The following STXBP5L variants were observed in gnomAD, a reference collection of about 807,000 sequenced individuals.
STXBP5L encodes syntaxin-binding protein 5-like.
A neutral mutation model predicts 144.5 loss-of-function variants in STXBP5L; 65 were observed. The ratio of observed to expected loss-of-function variants is 0.45; its 90% CI spans 0.37 to 0.55. The LOEUF (loss-of-function observed/expected upper bound fraction) is 0.55, where lower values mean the gene tolerates loss of function less well. Ranked by LOEUF, STXBP5L falls within the 20% of genes least tolerant of loss-of-function variation. The pLI is 0.00. For missense variants in STXBP5L, 1,298 were observed against 1,405.5 expected, an observed-to-expected ratio of 0.92 and a Z score of 1.22; for synonymous variants, 505 against 469.6, an observed-to-expected ratio of 1.08 and a Z score of -0.97.
At chr3:120,978,105 G>C (rs1172630326) in intron 3 of STXBP5L, among the ~76,000 whole-genome samples, 2 of 152,106 alleles carry the variant, frequency 1.3e-5, no homozygotes, top group Non-Finnish European at 2.9e-5. Context: ...TTGCTAGATT[G>C]GGGAAATTCT....
intron 10 of STXBP5L, among the ~76,000 whole-genome samples, chr3:121,219,886 T>C (rs1284512939): frequency 6.6e-6 from 1 of 152,150 alleles, no homozygotes; most frequent in Non-Finnish European, 1.5e-5. Flanking sequence ...TATGTTAGCA[T>C]TTAATATTTA....
intron 2 of STXBP5L, among the ~76,000 whole-genome samples, chr3:120,925,862 A>G (rs546488106): frequency 1.3e-5 from 2 of 152,344 alleles, no homozygotes; most frequent in Non-Finnish European, 2.9e-5. Context: ...TCTTATAGAT[A>G]TAACAAGTTT....
At chr3:121,262,926 TG>T (rs1416998447) in intron 18 of STXBP5L, among the ~76,000 whole-genome samples, 1 of 152,236 alleles carries the variant, frequency 6.6e-6, no homozygotes, top group Non-Finnish European at 1.5e-5. Context: ...CTGCTGGCTC[TG>T]AAGAGAGAAG....
chr3:121,039,058 T>A (rs1225722349), intron 3 of STXBP5L, among the ~76,000 whole-genome samples: 1 of 151,984 alleles, frequency 6.6e-6, no homozygotes, highest in Non-Finnish European at 1.5e-5. Flanking sequence ...TTTCTCACAA[T>A]CACTGCATTT....
chr3:121,222,414 G>A (rs1364149312), intron 10 of STXBP5L, among the ~76,000 whole-genome samples: 1 of 152,030 alleles, frequency 6.6e-6, no homozygotes, highest in Non-Finnish European at 1.5e-5. Context: ...AAGTAAAATA[G>A]AAAAGGCAAT....
At chr3:121,328,165 A>T (rs1298495431) in intron 20 of STXBP5L, among the ~76,000 whole-genome samples, 1 of 152,164 alleles carries the variant, frequency 6.6e-6, no homozygotes, top group Non-Finnish European at 1.5e-5. Flanking sequence ...TGCCCAGATA[A>T]ATTATTTCTG....
rs1321698674 is a variant in STXBP5L at position 121,421,566 on chromosome 3, G to A, written c.*2469G>A. 1 of 152,170 alleles carries A rather than the reference G, an allele frequency of 6.6e-6. No homozygotes were observed. The highest frequency in any genetic ancestry group is 1.5e-5 in the Non-Finnish European group (1 of 68,034). The allele number at this position is 152,170 out of a possible 1,614,324, so 9.4% of individuals were successfully genotyped here. The stretch of plus-strand genomic sequence containing the variant: ...TAGATTGTGTGAATATGTAATATAT[G>A]TTGTTGTATAAAACTGTACAATAAG... On this transcript the variant is annotated 3_prime_UTR_variant, in exon 27 of 27. Coordinates refer to ENST00000471454, the MANE Select transcript of STXBP5L (RefSeq NM_001308330.2).
At chr3:120,982,159 G>A (rs1941840293) in intron 3 of STXBP5L, among the ~76,000 whole-genome samples, 1 of 152,330 alleles carries the variant, frequency 6.6e-6, no homozygotes, top group South Asian at 2.1e-4. Context: ...TAGCATCTAT[G>A]TGTAAGAGTG....
chr3:121,239,026 T>C lies in STXBP5L; in HGVS notation c.1240T>C (p.Cys414Arg). The C allele has an allele frequency of 6.2e-7, 1 of 1,610,382 alleles. No homozygotes were observed. The highest frequency in any genetic ancestry group is 1.1e-5 in the South Asian group (1 of 90,536). The change falls in exon 13 of 27, where the codon TGC becomes CGC. Residue 414 changes from cysteine (C) to arginine (R), a missense_variant. Coordinates refer to ENST00000471454, the MANE Select transcript of STXBP5L (RefSeq NM_001308330.2). ...GGACATTCATGAATCACCAGTTACA[T>C]GCACAGCATACTTTGCAGATTGTCC... Reference protein sequence around the residue: ...PMDIHESPVTCTAYFADCPPD... With the variant: ...PMDIHESPVTRTAYFADCPPD...
Position 121,215,374 on chromosome 3 carries a change from A to C in STXBP5L, c.957-7629A>C, listed in dbSNP as rs113792914. 2.6e-3 allele frequency among the ~76,000 whole-genome samples: 396 copies of C among 152,260 alleles called. 2 individuals carry two copies. Among genetic ancestry groups the C allele is most frequent in the African/African-American group, 8.9e-3 (370 of 41,544 alleles). ...TGTTTCCAAATTTAGTACTTTCATC[A>C]GGAGCTCTTGTAAGGCAGGCCTTGT... On this transcript the variant is annotated intron_variant, in intron 10 of 26. Coordinates refer to ENST00000471454, the MANE Select transcript of STXBP5L (RefSeq NM_001308330.2).
At chr3:120,919,600 C>T (rs1054699326) in intron 2 of STXBP5L, among the ~76,000 whole-genome samples, 1 of 152,048 alleles carries the variant, frequency 6.6e-6, no homozygotes, top group East Asian at 1.9e-4. Flanking sequence ...ACCAAAACTC[C>T]TTTGCTGTTT....
intron 14 of STXBP5L, among the ~76,000 whole-genome samples, chr3:121,248,256 G>C (rs573533050): frequency 6.6e-6 from 1 of 152,074 alleles, no homozygotes; most frequent in Non-Finnish European, 1.5e-5. Context: ...TAGAGACAGG[G>C]TTTCACCATT....
At chr3:121,202,161 T>A (rs1231610193) in intron 9 of STXBP5L, among the ~76,000 whole-genome samples, 7 of 152,154 alleles carry the variant, frequency 4.6e-5, no homozygotes, top group Non-Finnish European at 8.8e-5. Context: ...AAATCTTATA[T>A]AATTGTATGT....
intron 3 of STXBP5L, among the ~76,000 whole-genome samples, chr3:120,959,209 T>C (rs1938437659): frequency 6.6e-6 from 1 of 152,144 alleles, no homozygotes; most frequent in Admixed American, 6.5e-5. Flanking sequence ...GTGAAGGACC[T>C]CTTCAAGGAG....
intron 19 of STXBP5L, among the ~76,000 whole-genome samples, chr3:121,292,887 G>C (rs185985487): frequency 6.6e-6 from 1 of 152,282 alleles, no homozygotes; most frequent in East Asian, 1.9e-4. Flanking sequence ...TCAAGGGAAA[G>C]GGTGGGAGGT....
intron 7 of STXBP5L, among the ~76,000 whole-genome samples, chr3:121,147,626 ATG>A (rs2045766424): frequency 6.6e-6 from 1 of 152,196 alleles, no homozygotes; most frequent in East Asian, 1.9e-4. Flanking sequence ...GGTTAATTTT[ATG>A]TGTCAACTTG....
intron 3 of STXBP5L, among the ~76,000 whole-genome samples, chr3:121,024,114 T>C (rs563074828): frequency 1.3e-5 from 2 of 152,144 alleles, no homozygotes; most frequent in East Asian, 3.9e-4. Flanking sequence ...CGAAAGACAC[T>C]CTTAAAGGAA....
At chr3:121,118,968 T>C (rs963204450) in intron 6 of STXBP5L, among the ~76,000 whole-genome samples, 5 of 151,478 alleles carry the variant, frequency 3.3e-5, no homozygotes, top group African/African-American at 1.2e-4. Context: ...GGGATATATA[T>C]GGATCTGAAG....
intron 3 of STXBP5L, among the ~76,000 whole-genome samples, chr3:121,026,030 T>A (rs1281305818): frequency 7.3e-6 from 1 of 137,346 alleles, no homozygotes; most frequent in Non-Finnish European, 1.6e-5. Context: ...TATAATTTTA[T>A]AAGTTATATA....
Sources: gnomAD v4.1 joint callset for allele counts (sites outside exome capture counted in the v4.1 genomes callset) on GRCh38, gnomAD v4.1.1 for gene constraint, MANE v1.5 for transcripts, NCBI Gene and HGNC (gene_info 2026-07-23, HGNC 2026-07-21) for gene names.